Variants in CNIH3 observed in about 807,000 individuals in gnomAD.
The protein encoded by CNIH3 is protein cornichon homolog 3.
Under a neutral mutation model 24.1 loss-of-function variants are expected in CNIH3, and 14 were observed. That is an observed-to-expected ratio of 0.58 (90% CI 0.38 to 0.91). The LOEUF is 0.91. CNIH3 is among the 40% of genes least tolerant of loss of function. The probability of loss-of-function intolerance (pLI) is 0.00; values close to 1 mark genes in which losing one functional copy is unlikely to be tolerated. For missense variants in CNIH3, 178 were observed against 196.8 expected (o/e 0.90, Z 0.57); for synonymous variants, 68 against 73.8 (o/e 0.92, Z 0.40).
At chr1:224,655,492 CTAGT>C (rs1448140029) in intron 1 of CNIH3, among the ~76,000 whole-genome samples, 1 of 152,084 alleles carries the variant, frequency 6.6e-6, no homozygotes, top group East Asian at 1.9e-4. Flanking sequence ...AGGGAGAATC[CTAGT>C]TAGACTCCTC....
intron 3 of CNIH3, among the ~76,000 whole-genome samples, chr1:224,686,059 A>T (rs1242991486): frequency 6.6e-6 from 1 of 151,694 alleles, no homozygotes; most frequent in African/African-American, 2.4e-5. Flanking sequence ...CACAACGTGC[A>T]GGTTTGTTAC....
intron 5 of CNIH3, among the ~76,000 whole-genome samples, chr1:224,738,023 C>G (rs139871796): frequency 1.1e-3 from 173 of 152,294 alleles, no homozygotes; most frequent in Non-Finnish European, 2.4e-3. Flanking sequence ...GCCTGTTCCT[C>G]CTCAGGTTTA....
chr1:224,521,523 C>T (rs1013149963), intron 2 of CNIH3: 2 of 152,176 alleles, frequency 1.3e-5, no homozygotes, highest in African/African-American at 4.8e-5. Flanking sequence ...AGTGTGAGCA[C>T]ATGATCTGAG....
At chr1:224,607,775 A>T (rs1349450115) in intron 3 of CNIH3, among the ~76,000 whole-genome samples, 1 of 152,162 alleles carries the variant, frequency 6.6e-6, no homozygotes, top group East Asian at 1.9e-4. Flanking sequence ...GGAGGTAAGT[A>T]GCTATCTATT....
In CNIH3 at chr1:224,456,721, CCT is replaced by C. The variant is rs545523388; in HGVS notation, n.203+21860_203+21861del. 6.6e-5 allele frequency among the ~76,000 whole-genome samples: 10 copies of C among 152,310 alleles called. No individual in the cohort carries two copies. The East Asian group carries it at 1.7e-3, about 27-fold the overall frequency. ...CCACTGTGCCCGGCCAAAGATTCCC[CCT>C]GTCTTTTTGACACTCTTCAGCTGTG... On this transcript the variant is annotated intron_variant and non_coding_transcript_variant, in intron 1 of 5. Coordinates refer to the CNIH3 transcript ENST00000471578.
chr1:224,614,527 A>G (rs1682850773), upstream of CNIH3, among the ~76,000 whole-genome samples: 1 of 152,144 alleles, frequency 6.6e-6, no homozygotes, highest in African/African-American at 2.4e-5. Context: ...CAAAACAAAA[A>G]TTATCTGGGT....
At chr1:224,452,895 C>T (rs1229084696) in intron 1 of CNIH3, among the ~76,000 whole-genome samples, 2 of 150,562 alleles carry the variant, frequency 1.3e-5, no homozygotes, top group African/African-American at 4.9e-5. Flanking sequence ...CTGAGGCGGG[C>T]AGATGATCTG....
intron 3 of CNIH3, among the ~76,000 whole-genome samples, chr1:224,729,407 G>A (rs1689201029): frequency 9.3e-6 from 1 of 107,924 alleles, no homozygotes; most frequent in Non-Finnish European, 1.7e-5. Flanking sequence ...GTAAGACTAT[G>A]TCTCCAAAAA....
At chr1:224,592,027 A>G (rs1005829909), downstream of CNIH3, among the ~76,000 whole-genome samples, 4 of 152,138 alleles carry the variant, frequency 2.6e-5, no homozygotes, top group Middle Eastern at 3.2e-3. Context: ...TTGGGTCATA[A>G]TGACATCTGA....
intron 1 of CNIH3, among the ~76,000 whole-genome samples, chr1:224,455,019 C>G (rs1257101253): frequency 1.3e-5 from 2 of 152,094 alleles, no homozygotes; most frequent in African/African-American, 4.8e-5. Flanking sequence ...TATTGTAAGT[C>G]GAAAATGCAT....
intron 1 of CNIH3, among the ~76,000 whole-genome samples, chr1:224,642,286 A>G (rs964967107): frequency 2.0e-5 from 3 of 152,120 alleles, no homozygotes; most frequent in African/African-American, 4.8e-5. Flanking sequence ...GCTGGAGTAC[A>G]GTGGTGCGAT....
Position 224,573,987 on chromosome 1 carries a change from C to T in CNIH3, n.516+7723C>T, listed in dbSNP as rs1680929087. On this transcript the variant is annotated intron_variant and non_coding_transcript_variant, in intron 4 of 5. Coordinates refer to the CNIH3 transcript ENST00000471578. ...CAGTGTTGCCCAGGCTAGTCTTGAA[C>T]TCCTGGGCTCAAGGATCCTCCCACC... 2.0e-5 allele frequency among the ~76,000 whole-genome samples: 3 copies of T among 152,236 alleles called. No individual in the cohort carries two copies. The South Asian group carries it at 6.2e-4, about 32-fold the overall frequency.
intron 3 of CNIH3, among the ~76,000 whole-genome samples, chr1:224,721,001 C>T (rs1035973721): frequency 9.9e-5 from 15 of 152,090 alleles, no homozygotes; most frequent in Non-Finnish European, 1.8e-4. Context: ...CTTGAGAGGC[C>T]GTCACCTCCA....
At chr1:224,534,978 G>A (rs1679227264) in intron 2 of CNIH3, among the ~76,000 whole-genome samples, 1 of 151,644 alleles carries the variant, frequency 6.6e-6, no homozygotes, top group Non-Finnish European at 1.5e-5. Flanking sequence ...GAAACACCAG[G>A]TACTCATAGA....
At chr1:224,488,477 G>T (rs1340990599) in intron 1 of CNIH3, among the ~76,000 whole-genome samples, 1 of 124,592 alleles carries the variant, frequency 8.0e-6, no homozygotes, top group Non-Finnish European at 1.6e-5. Context: ...GGGGGGTGGG[G>T]GGGAACAGAG....
intron 1 of CNIH3, among the ~76,000 whole-genome samples, chr1:224,676,121 C>T (rs77442394): frequency 0.047 from 7,197 of 152,144 alleles, 236 homozygotes; most frequent in East Asian, 0.15. Context: ...ATAAATAAAC[C>T]GTAGTTCGTT....
At chr1:224,708,502 C>T (rs534989053) in intron 3 of CNIH3, among the ~76,000 whole-genome samples, 5 of 152,310 alleles carry the variant, frequency 3.3e-5, no homozygotes, top group South Asian at 2.1e-4. Context: ...TTGCACTCCC[C>T]GCCTGCGCTT....
chr1:224,558,637 C>A (rs919266667), intron 3 of CNIH3, among the ~76,000 whole-genome samples: 3 of 152,228 alleles, frequency 2.0e-5, no homozygotes, highest in African/African-American at 7.2e-5. Flanking sequence ...ACCACTCCTC[C>A]TCCTTAGTCA....
chr1:224,728,406 G>A (rs1429965019), intron 3 of CNIH3, among the ~76,000 whole-genome samples: 1 of 152,140 alleles, frequency 6.6e-6, no homozygotes, highest in Non-Finnish European at 1.5e-5. Flanking sequence ...CTCCTGCCAG[G>A]TGGTTGAGAT....
Sources: allele counts gnomAD v4.1 joint callset (sites outside exome capture counted in the v4.1 genomes callset), GRCh38; gene constraint gnomAD v4.1.1; transcripts MANE v1.5; gene names NCBI Gene and HGNC (gene_info 2026-07-23, HGNC 2026-07-21).